LTBP3: variants seen among roughly 807,000 people sequenced by gnomAD.
The protein encoded by LTBP3 is latent transforming growth factor beta binding protein 3, also known as latent-transforming growth factor beta-binding protein 3.
LTBP3 carries 97 observed loss-of-function variants against 159.7 expected under a neutral mutation model. The observed-to-expected ratio is 0.61, with a 90% CI of 0.52 to 0.72. The LOEUF (loss-of-function observed/expected upper bound fraction) is 0.72. Among genes scored for constraint, LTBP3 ranks in the 30% least tolerant of loss-of-function variants. The pLI is 0.00. For missense variants in LTBP3, 1,584 were observed against 1,864.3 expected, an observed-to-expected ratio of 0.85 and a Z score of 2.77; for synonymous variants, 824 against 777.1, an observed-to-expected ratio of 1.06 and a Z score of -1.00.
Position 65,539,761 on chromosome 11 carries a change from C to T in LTBP3, c.3506G>A (p.Gly1169Asp). ...FDDCCCRQGR[G>D]WGAQCRPCPP... is the part of the protein sequence containing the mutation. The stretch of plus-strand genomic sequence containing the variant: ...GCACGGTCGGCATTGGGCGCCCCAG[C>T]CGCGGCCCTGGCGGCAGCAGCAGTC... The change falls in exon 25 of 28, where the codon GGC becomes GAC. Residue 1169 changes from glycine (G) to aspartate (D), a missense_variant. Around this residue, in one of 6 missense-constraint regions of LTBP3, gnomAD observed 514 missense variants for 530.3 expected, o/e 0.97. Coordinates refer to ENST00000301873, the MANE Select transcript of LTBP3 (RefSeq NM_001130144.3). The T allele has an allele frequency of 1.3e-6, 2 of 1,545,260 alleles. No individual in the cohort carries two copies. Among genetic ancestry groups the T allele is most frequent in the Non-Finnish European group, 1.7e-6 (2 of 1,152,624 alleles).
intron 8 of LTBP3, 52 bp from the exon 9 acceptor site, chr11:65,551,616 C>G (rs1856617737): frequency 6.2e-7 from 1 of 1,611,708 alleles, no homozygotes; most frequent in East Asian, 2.2e-5. Context: ...AGAAGGGAGT[C>G]AGATCTGGGA....
rs1565084757 is a variant in LTBP3, at chr11:65,538,883, C to T, written c.*197G>A. 6.6e-6 allele frequency: 7 copies of T among 1,055,756 alleles called. No individual in the cohort carries two copies. In the East Asian group the frequency reaches 1.6e-4, roughly 24 times the overall value. 65.4% of individuals were successfully genotyped at this position (1,055,756 alleles called of 1,614,324 possible). A position where few individuals can be genotyped will look rare whatever the true frequency, so the allele number is the denominator to read the frequency against. On this transcript the variant is annotated 3_prime_UTR_variant, in exon 28 of 28. Transcript: ENST00000301873. ...CCTCTGGGAGGAAGGCAGGCAGCGC[C>T]CGCCGGAGACCTTACAACCGCCCGC...
Position 65,551,867 on chromosome 11 carries a change from A to G in LTBP3, c.1531+105T>C, listed in dbSNP as rs577583613. On this transcript the variant is annotated intron_variant, in intron 8 of 27. Coordinates refer to ENST00000301873, the MANE Select transcript of LTBP3 (RefSeq NM_001130144.3). ...GAGGTCAGTGGATGGGTCAGGGATA[A>G]GGAATTGGGGGTTAGACTGTGAGGT... 48 of 1,328,736 alleles carry G rather than the reference A, an allele frequency of 3.6e-5. No homozygotes were observed. In the East Asian group the frequency reaches 1.1e-3, roughly 29 times the overall value. The allele number at this position is 1,328,736 out of a possible 1,614,324, so 82.3% of individuals were successfully genotyped here. A position where few individuals can be genotyped will look rare whatever the true frequency, so the allele number is the denominator to read the frequency against.
intron 11 of LTBP3, among the ~76,000 whole-genome samples, chr11:65,550,047 C>A (rs1856544049): frequency 6.6e-6 from 1 of 152,146 alleles, no homozygotes; most frequent in African/African-American, 2.4e-5. Flanking sequence ...AATTTCCTGT[C>A]CTCGCAGAGC....
At chr11:65,541,373 T>TC (rs1856130724) in intron 19 of LTBP3, 80 bp from the exon 20 acceptor site, 9 of 1,540,522 alleles carry the variant, frequency 5.8e-6, no homozygotes, top group Non-Finnish European at 7.1e-6. Context: ...CACAGGTCTT[T>TC]CCCCCCACAT....
At position 65,553,912 on chromosome 11, in the gene LTBP3, G is replaced by A. The variant is rs987109185; in HGVS notation, c.662-9C>T. The A allele has an allele frequency of 3.3e-6, 5 of 1,519,494 alleles. No individual in the cohort carries two copies. The highest frequency in any genetic ancestry group is 2.4e-5 in the East Asian group (1 of 41,516). 94.1% of individuals were successfully genotyped at this position (1,519,494 alleles called of 1,614,324 possible). On this transcript the variant is annotated splice_polypyrimidine_tract_variant and intron_variant, in intron 2 of 27. Transcript: ENST00000301873. This position sits in a 1 kb window ranked among gnomAD's most constrained non-coding sequence, Gnocchi z 6.5. The stretch of plus-strand genomic sequence containing the variant: ...GGGGGGCGGGGCCTGCACTGGGGGC[G>A]GGCGCGGTGGCCTCAGGGCTGCCCG...
In LTBP3 at chr11:65,552,541, C is replaced by A; in HGVS notation, c.1187-135G>T. The stretch of plus-strand genomic sequence containing the variant: ...CATGTGGTCTCTGACCCCATATGAC[C>A]CTGAACTCATGTGACCCCTGAAACT... On this transcript the variant is annotated intron_variant, in intron 6 of 27. Transcript: ENST00000301873. The surrounding 1 kb of genome is among the most constrained non-coding windows in gnomAD (Gnocchi z 6.0). 2 of 1,126,764 alleles carry A rather than the reference C, an allele frequency of 1.8e-6. No individual in the cohort carries two copies. The highest frequency in any genetic ancestry group is 1.3e-6 in the Non-Finnish European group (1 of 785,614). The allele number at this position is 1,126,764 out of a possible 1,614,324, so 69.8% of individuals were successfully genotyped here. A position where few individuals can be genotyped will look rare whatever the true frequency, so the allele number is the denominator to read the frequency against.
intron 23 of LTBP3, 30 bp from the exon 24 acceptor site, chr11:65,540,183 C>T (rs936108848): frequency 3.2e-6 from 5 of 1,538,966 alleles, no homozygotes; most frequent in South Asian, 1.2e-5. Flanking sequence ...GGGTGGGGGC[C>T]GTCACAGCTC....
In LTBP3 at chr11:65,539,610, G is replaced by A. The variant is rs368031065; in HGVS notation, c.3566C>T (p.Ser1189Leu). 32 of 1,611,742 alleles carry A rather than the reference G, an allele frequency of 2.0e-5. No homozygotes were observed. In the African/African-American group the frequency reaches 2.8e-4, roughly 14 times the overall value. ...PRGAGSHCPT[S>L]QSESNSFWDT... ...CCAGAAGGAATTGCTCTCGCTCTGC[G>A]ATGTCGGGCAATGGGACCCTGGGAG... Residue 1189 changes from serine (S) to leucine (L), a missense_variant, in exon 26 of 28, where the codon TCG (serine) becomes TTG (leucine). Coordinates refer to ENST00000301873, the MANE Select transcript of LTBP3 (RefSeq NM_001130144.3).
Position 65,552,015 on chromosome 11 carries a change from G to T in LTBP3, c.1488C>A (p.Ser496Arg), listed in dbSNP as rs1856631027. The change falls in exon 8 of 28, where the codon AGC (serine) becomes AGA (arginine). Residue 496 changes from serine to arginine, a missense_variant. By Grantham distance (110) the Ser-to-Arg change is moderately radical. This residue lies in a region of LTBP3 where 565 missense variants were observed against 677.7 expected (regional missense o/e 0.83). Coordinates refer to ENST00000301873, the MANE Select transcript of LTBP3 (RefSeq NM_001130144.3). This position sits in a 1 kb window ranked among gnomAD's most constrained non-coding sequence, Gnocchi z 6.0. Reference sequence around the variant, plus strand: ...CCTCAGGTGGTGGAGCCTGGCTAGGGCTCTCCGGAAGCTGCTGGGGCTTGG... The same window carrying T: ...CCTCAGGTGGTGGAGCCTGGCTAGGTCTCTCCGGAAGCTGCTGGGGCTTGG... ...GPPKPQQLPE[S>R]PSQAPPPEDT... 3 of 1,614,028 alleles carry T rather than the reference G, an allele frequency of 1.9e-6. No homozygotes were observed. Among genetic ancestry groups the T allele is most frequent in the African/African-American group, 2.7e-5 (2 of 74,990 alleles).
intron 11 of LTBP3, among the ~76,000 whole-genome samples, chr11:65,550,603 A>G (rs1856567840): frequency 6.6e-6 from 1 of 151,870 alleles, no homozygotes; most frequent in Admixed American, 6.6e-5. Flanking sequence ...ACACGGGCGC[A>G]TCACGAGGTC....
chr11:65,548,218 C>T, intron 11 of LTBP3, 173 bp from the exon 12 acceptor site: 1 of 932,054 alleles, frequency 1.1e-6, no homozygotes, highest in Non-Finnish European at 1.6e-6. Flanking sequence ...ATCAAGACCC[C>T]AGAAAGCTCC....
chr11:65,552,237 C>A lies in LTBP3; in HGVS notation c.1345+11G>T, dbSNP rs1003395734. The A allele has an allele frequency of 3.7e-6, 6 of 1,614,168 alleles. No individual in the cohort carries two copies. The highest frequency in any genetic ancestry group is 2.2e-5 in the South Asian group (2 of 91,086). The stretch of plus-strand genomic sequence containing the variant: ...CCTATGAACCCCTATCCCCGGGTAA[C>A]CCTGACTCACCGGTGCCATCTGTTG... On this transcript the variant is annotated intron_variant, in intron 7 of 27. Transcript: ENST00000301873. The surrounding 1 kb of genome is among the most constrained non-coding windows in gnomAD (Gnocchi z 6.0).
Position 65,554,909 on chromosome 11 carries a change from C to T in LTBP3, c.332-529G>A, listed in dbSNP as rs1019668169. On this transcript the variant is annotated intron_variant, in intron 1 of 27. Coordinates refer to ENST00000301873, the MANE Select transcript of LTBP3 (RefSeq NM_001130144.3). The surrounding 1 kb of genome is among the most constrained non-coding windows in gnomAD (Gnocchi z 5.3). ...CTTCACCATCCTGGGGCGCCCACCT[C>T]ACCACTGCCAAAGATGTCCACATCT... Among the ~76,000 whole-genome samples the T allele has an allele frequency of 3.3e-5, 5 of 152,078 alleles. No individual in the cohort carries two copies. Among genetic ancestry groups the T allele is most frequent in the Non-Finnish European group, 7.4e-5 (5 of 67,998 alleles).
intron 21 of LTBP3, 126 bp from the exon 22 acceptor site, chr11:65,540,740 G>A (rs1210664076): frequency 2.0e-6 from 3 of 1,508,842 alleles, no homozygotes; most frequent in South Asian, 1.2e-5. Context: ...CCTACAGGGC[G>A]GGGCCTGCGA....
rs747527734 is a variant in LTBP3, at chr11:65,543,446, C to G, written c.2457G>C (p.Arg819Ser). Residue 819 changes from arginine (R) to serine (S), a missense_variant, in exon 17 of 28, where the codon AGG becomes AGC. Around this residue, in one of 6 missense-constraint regions of LTBP3, gnomAD observed 565 missense variants for 677.7 expected, o/e 0.83. Coordinates refer to ENST00000301873, the MANE Select transcript of LTBP3 (RefSeq NM_001130144.3). Reference protein sequence around the residue: ...CQCLSGYHLSRDRSHCEDIDE... With the variant: ...CQCLSGYHLSSDRSHCEDIDE... The stretch of plus-strand genomic sequence containing the variant: ...CCTCACCCTCGCAGTGGCTCCGGTC[C>G]CTGGACAGATGGTAGCCAGAGAGGC... The G allele has an allele frequency of 6.2e-7, 1 of 1,614,090 alleles. No homozygotes were observed. The highest frequency in any genetic ancestry group is 8.5e-7 in the Non-Finnish European group (1 of 1,179,994).
chr11:65,543,482 G>A lies in LTBP3; in HGVS notation c.2421C>T (p.Phe807=). ...GGTAGCCAGAGAGGCACTGACACTG[G>A]AAAGATCCTGGCGTGTTGCTGCAGA... ...NGICSNTPGS[F]QCQCLSGYHL... Residue 807 remains phenylalanine (F), a synonymous_variant, in exon 17 of 28, where the codon TTC becomes TTT. Transcript: ENST00000301873. 2 of 1,614,094 alleles carry A rather than the reference G, an allele frequency of 1.2e-6. No individual in the cohort carries two copies. The highest frequency in any genetic ancestry group is 8.5e-7 in the Non-Finnish European group (1 of 1,179,972).
At chr11:65,541,031 G>T (rs1856113096) in intron 20 of LTBP3, 77 bp from the exon 21 acceptor site, 2 of 1,580,642 alleles carry the variant, frequency 1.3e-6, no homozygotes, top group Non-Finnish European at 1.7e-6. Context: ...GCAGCCCGCC[G>T]CCTATTTCCC....
At chr11:65,543,843 C>G in intron 16 of LTBP3, 1 of 473,030 alleles carries the variant, frequency 2.1e-6, no homozygotes, top group African/African-American at 2.0e-5. Flanking sequence ...TGCCATGGCT[C>G]CCTTTTTCCT....
Sources: gnomAD v4.1 joint callset for allele counts (sites outside exome capture counted in the v4.1 genomes callset) on GRCh38, gnomAD v4.1.1 for gene constraint, gnomAD v4.1.1 regional missense constraint, Gnocchi (gnomAD v3.1) non-coding constraint, MANE v1.5 for transcripts, NCBI Gene and HGNC (gene_info 2026-07-23, HGNC 2026-07-21) for gene names.